Variants in MET observed in about 807,000 individuals in gnomAD.
MET encodes hepatocyte growth factor receptor.
In MET, 48 loss-of-function variants were observed where a neutral mutation model predicts 133.1. The ratio of observed to expected loss-of-function variants is 0.36; its 90% CI spans 0.29 to 0.46. The LOEUF (loss-of-function observed/expected upper bound fraction) is 0.46. MET is among the 20% of genes least tolerant of loss of function. The pLI, the probability that MET is intolerant of heterozygous loss-of-function variation, is 1.00. For synonymous variants in MET, 628 were observed against 616.5 expected, an observed-to-expected ratio of 1.02 and a Z score of -0.28; for missense variants, 1,442 against 1,695.9, an observed-to-expected ratio of 0.85 and a Z score of 2.63.
chr7:116,771,460 T>C (rs750565007), intron 12 of MET, 38 bp from the exon 13 acceptor site: 34 of 1,612,784 alleles, frequency 2.1e-5, no homozygotes, highest in Non-Finnish European at 2.8e-5. Context: ...ATATCTATCA[T>C]GGCTAAATGC....
chr7:116,728,973 C>G (rs1792893717), intron 2 of MET, among the ~76,000 whole-genome samples: 1 of 152,138 alleles, frequency 6.6e-6, no homozygotes, highest in South Asian at 2.1e-4. Context: ...AAAACCTGAG[C>G]CTGAAGAGCT....
intron 2 of MET, among the ~76,000 whole-genome samples, chr7:116,730,520 G>T (rs1028726517): frequency 6.6e-6 from 1 of 152,156 alleles, no homozygotes. Flanking sequence ...TGGATGTGGT[G>T]GGTCTAGTTA....
intron 3 of MET, among the ~76,000 whole-genome samples, chr7:116,736,234 G>A (rs1793205969): frequency 1.3e-5 from 2 of 152,030 alleles, no homozygotes; most frequent in South Asian, 4.1e-4. Context: ...AAAACCTATA[G>A]AGATAGAAAG....
chr7:116,750,359 T>C (rs1286392674), intron 5 of MET, among the ~76,000 whole-genome samples: 2 of 152,210 alleles, frequency 1.3e-5, no homozygotes, highest in African/African-American at 4.8e-5. Flanking sequence ...TAAATGATGT[T>C]GGGAAAACTG....
chr7:116,787,060 G>A (rs1282845389), intron 19 of MET, among the ~76,000 whole-genome samples: 4 of 152,184 alleles, frequency 2.6e-5, no homozygotes, highest in African/African-American at 9.7e-5. Context: ...GAGTAAGTAG[G>A]TCATAGGTCA....
intron 1 of MET, among the ~76,000 whole-genome samples, chr7:116,685,854 C>T (rs1025440831): frequency 2.6e-5 from 4 of 152,080 alleles, no homozygotes; most frequent in African/African-American, 9.7e-5. Flanking sequence ...TTTTTTCTCA[C>T]ATGCCTCAGA....
At chr7:116,710,662 A>G (rs937444740) in intron 2 of MET, among the ~76,000 whole-genome samples, 1 of 152,100 alleles carries the variant, frequency 6.6e-6, no homozygotes, top group Non-Finnish European at 1.5e-5. Context: ...AAAAATGTAC[A>G]ACAGGACTTC....
Position 116,796,047 on chromosome 7 carries a change from CCTT to C in MET, c.4099_4101del (p.Ser1367del). 6.2e-7 allele frequency: 1 copy of C among 1,613,994 alleles called. No homozygotes were observed. Among genetic ancestry groups the C allele is most frequent in the Non-Finnish European group, 8.5e-7 (1 of 1,179,916 alleles). ...GAACGTAAAATGTGTCGCTCCGTAT[CCTT>C]CTCTGTTGTCATCAGAAGATAACGC... On this transcript the variant is annotated inframe_deletion, in exon 21 of 21. Transcript: ENST00000397752.
chr7:116,686,820 A>G (rs902532363), intron 1 of MET, among the ~76,000 whole-genome samples: 7 of 152,160 alleles, frequency 4.6e-5, no homozygotes, highest in Non-Finnish European at 8.8e-5. Context: ...ACAACCCTGC[A>G]TCTTCTCCCC....
intron 2 of MET, among the ~76,000 whole-genome samples, chr7:116,708,696 C>T (rs1044541563): frequency 6.6e-6 from 1 of 152,142 alleles, no homozygotes; most frequent in African/African-American, 2.4e-5. Flanking sequence ...TGGCCTGTCA[C>T]CTTAATCAGC....
rs1266863567 is a variant in MET, at chr7:116,699,787, A to T, written c.703A>T (p.Ile235Phe). Residue 235 changes from isoleucine to phenylalanine, a missense_variant, in exon 2 of 21, where the codon ATT becomes TTT. Transcript: ENST00000397752. ...GFMFLTDQSY[I>F]DVLPEFRDSY... ...TATGTTTTTGACGGACCAGTCCTAC[A>T]TTGATGTTTTACCTGAGTTCAGAGA... 1 of 1,614,140 alleles carries T rather than the reference A, an allele frequency of 6.2e-7. No homozygotes were observed. Among genetic ancestry groups the T allele is most frequent in the South Asian group, 1.1e-5 (1 of 91,076 alleles).
In MET at chr7:116,763,130, G is replaced by A. The variant is rs2116955238; in HGVS notation, c.2445G>A (p.Leu815=). The A allele has an allele frequency of 6.2e-7, 1 of 1,614,010 alleles. No individual in the cohort carries two copies. The highest frequency in any genetic ancestry group is 1.3e-5 in the African/African-American group (1 of 75,024). The part of the protein sequence containing the change: ...SLQQLNLQLP[L]KTKAFFMLDG... ...AACAGCTGAATCTGCAACTCCCCCT[G>A]AAAACCAAAGCCTTTTTCATGTTAG... The change falls in exon 11 of 21, where the codon CTG becomes CTA. Residue 815 remains leucine, a synonymous_variant. Coordinates refer to ENST00000397752, the MANE Select transcript of MET (RefSeq NM_000245.4).
chr7:116,759,218 AT>A (rs1457740665), intron 9 of MET, 172 bp from the exon 10 acceptor site: 2 of 897,004 alleles, frequency 2.2e-6, no homozygotes, highest in African/African-American at 3.4e-5. Flanking sequence ...TTTTAAAAAT[AT>A]TTTCAAGTTA....
chr7:116,738,499 C>A (rs73469197), intron 3 of MET, among the ~76,000 whole-genome samples: 2,651 of 152,278 alleles, frequency 0.017, 70 homozygotes, highest in African/African-American at 0.057. Flanking sequence ...TCCAACCTTT[C>A]CCATCCTGAC....
intron 3 of MET, among the ~76,000 whole-genome samples, chr7:116,737,988 G>A (rs1323268249): frequency 1.3e-5 from 2 of 152,124 alleles, no homozygotes; most frequent in Admixed American, 6.5e-5. Context: ...TAAGTAGAAC[G>A]GAGGAAACCA....
intron 18 of MET, among the ~76,000 whole-genome samples, chr7:116,782,778 C>T (rs917964618): frequency 2.0e-5 from 3 of 152,178 alleles, no homozygotes; most frequent in Admixed American, 6.5e-5. Context: ...TGTTGAACTT[C>T]GCTGTTTTTC....
chr7:116,715,913 T>C (rs1792172664), intron 2 of MET, among the ~76,000 whole-genome samples: 1 of 152,072 alleles, frequency 6.6e-6, no homozygotes, highest in African/African-American at 2.4e-5. Context: ...GGAATCAGAT[T>C]GTAGGAGGCC....
intron 6 of MET, 65 bp downstream of exon 6, chr7:116,755,580 T>A (rs2116911928): frequency 6.3e-7 from 1 of 1,595,280 alleles, no homozygotes; most frequent in Admixed American, 1.7e-5. Context: ...TGAATGAATA[T>A]TTCTTTTAAA....
chr7:116,718,204 T>C (rs1471412621), intron 2 of MET, among the ~76,000 whole-genome samples: 2 of 151,998 alleles, frequency 1.3e-5, no homozygotes, highest in Admixed American at 6.6e-5. Context: ...CTGGCCAAAA[T>C]GGTGAAACCC....
Sources: allele counts gnomAD v4.1 joint callset (sites outside exome capture counted in the v4.1 genomes callset), GRCh38; gene constraint gnomAD v4.1.1; transcripts MANE v1.5; gene names NCBI Gene and HGNC (gene_info 2026-07-23, HGNC 2026-07-21).